MGMT: variants seen among roughly 807,000 people sequenced by gnomAD.
The protein encoded by MGMT is methylated-DNA--protein-cysteine methyltransferase.
Under a neutral mutation model 15.9 loss-of-function variants are expected in MGMT, and 14 were observed. The observed-to-expected ratio is 0.88, with a 90% CI of 0.58 to 1.37. The LOEUF (loss-of-function observed/expected upper bound fraction) is 1.37. Among genes scored for constraint, MGMT ranks in the 40% most tolerant of loss-of-function variants. The pLI is 0.00. For synonymous variants in MGMT, 130 were observed against 118.2 expected (o/e 1.10, Z -0.65); for missense variants, 282 against 268.1 (o/e 1.05, Z -0.36).
intron 2 of MGMT, among the ~76,000 whole-genome samples, chr10:129,672,433 T>C (rs1459664506): frequency 6.6e-6 from 1 of 152,214 alleles, no homozygotes; most frequent in African/African-American, 2.4e-5. Flanking sequence ...CAGAGGTTAT[T>C]TTTGCTCCAT....
intron 2 of MGMT, among the ~76,000 whole-genome samples, chr10:129,678,396 T>C (rs1293535136): frequency 6.6e-6 from 1 of 151,766 alleles, no homozygotes; most frequent in Non-Finnish European, 1.5e-5. Context: ...TGCCCGATGC[T>C]GTTGCTGGTG....
intron 2 of MGMT, among the ~76,000 whole-genome samples, chr10:129,590,851 G>T (rs997152347): frequency 2.6e-5 from 4 of 152,226 alleles, no homozygotes; most frequent in African/African-American, 9.6e-5. Flanking sequence ...TCGGTGCAGT[G>T]TGCAGGTTAA....
chr10:129,679,708 C>T (rs1367285672), intron 2 of MGMT, among the ~76,000 whole-genome samples: 5 of 152,102 alleles, frequency 3.3e-5, no homozygotes, highest in Admixed American at 6.5e-5. Flanking sequence ...TTTTATTCAG[C>T]ATTGGTGCAT....
chr10:129,536,305 A>G lies in MGMT; in HGVS notation c.53A>G (p.Lys18Arg). 1 of 1,614,182 alleles carries G rather than the reference A, an allele frequency of 6.2e-7. No homozygotes were observed. The highest frequency in any genetic ancestry group is 8.5e-7 in the Non-Finnish European group (1 of 1,180,038). The part of the protein sequence containing the change: ...KRTTLDSPLG[K>R]LELSGCEQGL... Reference sequence around the variant, plus strand: ...ACCACACTGGACAGCCCTTTGGGGAAGCTGGAGCTGTCTGGTTGTGAGCAG... The same window carrying G: ...ACCACACTGGACAGCCCTTTGGGGAGGCTGGAGCTGTCTGGTTGTGAGCAG... The change falls in exon 2 of 5, where the codon AAG becomes AGG. Residue 18 changes from lysine (K) to arginine (R), a missense_variant. By Grantham distance (26) the Lys-to-Arg change is conservative (BLOSUM62 2). Coordinates refer to ENST00000651593, the MANE Select transcript of MGMT (RefSeq NM_002412.5).
At chr10:129,675,822 C>A (rs1231318878) in intron 2 of MGMT, among the ~76,000 whole-genome samples, 1 of 152,162 alleles carries the variant, frequency 6.6e-6, no homozygotes, top group Non-Finnish European at 1.5e-5. Flanking sequence ...GCTGGTGGAA[C>A]CATCGGGAAA....
intron 2 of MGMT, among the ~76,000 whole-genome samples, chr10:129,580,872 C>A (rs928063156): frequency 6.6e-6 from 1 of 152,206 alleles, no homozygotes; most frequent in African/African-American, 2.4e-5. Flanking sequence ...GGCTGCCTTA[C>A]CCTTAGAAGA....
At chr10:129,709,312 C>T (rs1206856008) in intron 3 of MGMT, among the ~76,000 whole-genome samples, 1 of 152,214 alleles carries the variant, frequency 6.6e-6, no homozygotes, top group East Asian at 1.9e-4. Context: ...TCCCCAGCGC[C>T]ACAAGCCAGT....
At chr10:129,578,625 ATATG>A (rs937557326) in intron 2 of MGMT, among the ~76,000 whole-genome samples, 3 of 152,230 alleles carry the variant, frequency 2.0e-5, no homozygotes, top group African/African-American at 7.2e-5. Context: ...TGGCACATGT[ATATG>A]TATGTAAGAA....
intron 3 of MGMT, among the ~76,000 whole-genome samples, chr10:129,746,608 A>G (rs896946798): frequency 2.0e-5 from 3 of 152,292 alleles, no homozygotes; most frequent in Middle Eastern, 3.4e-3. Flanking sequence ...ACCTTTGTCA[A>G]TAAACATTTG....
At chr10:129,668,756 T>A (rs1431871925) in intron 2 of MGMT, among the ~76,000 whole-genome samples, 4 of 152,240 alleles carry the variant, frequency 2.6e-5, no homozygotes, top group Non-Finnish European at 4.4e-5. Flanking sequence ...TGAATCAGTT[T>A]GTCACATTTC....
chr10:129,557,498 G>T (rs1441723940), intron 2 of MGMT, among the ~76,000 whole-genome samples: 2 of 152,150 alleles, frequency 1.3e-5, no homozygotes, highest in Non-Finnish European at 2.9e-5. Context: ...AATTGTAATT[G>T]TCCTCAGATA....
intron 2 of MGMT, among the ~76,000 whole-genome samples, chr10:129,574,683 G>C (rs902783969): frequency 6.6e-6 from 1 of 152,154 alleles, no homozygotes; most frequent in Non-Finnish European, 1.5e-5. Flanking sequence ...GTCTATTAAA[G>C]GGGATTGCAC....
intron 3 of MGMT, among the ~76,000 whole-genome samples, chr10:129,729,652 C>T (rs1848474037): frequency 6.6e-6 from 1 of 152,218 alleles, no homozygotes; most frequent in South Asian, 2.1e-4. Flanking sequence ...TTGCCAGTTT[C>T]CTTTTGCCCG....
At chr10:129,513,138 T>C (rs772331400) in intron 1 of MGMT, among the ~76,000 whole-genome samples, 1 of 152,250 alleles carries the variant, frequency 6.6e-6, no homozygotes, top group African/African-American at 2.4e-5. Flanking sequence ...CTGAGTGATA[T>C]AAGCCAGTCA....
At chr10:129,666,588 A>G (rs1161937162) in intron 2 of MGMT, among the ~76,000 whole-genome samples, 1 of 152,228 alleles carries the variant, frequency 6.6e-6, no homozygotes, top group Non-Finnish European at 1.5e-5. Flanking sequence ...CATACAGAAA[A>G]GCTGTTGACT....
chr10:129,553,231 C>T (rs920743236), intron 2 of MGMT, among the ~76,000 whole-genome samples: 2 of 152,128 alleles, frequency 1.3e-5, no homozygotes, highest in Non-Finnish European at 2.9e-5. Flanking sequence ...AGTATAATTT[C>T]TAGAGGTAGA....
rs543579526 is a variant in MGMT at position 129,676,441 on chromosome 10, T to C, written c.126-31454T>C. 3.9e-5 allele frequency among the ~76,000 whole-genome samples: 6 copies of C among 152,294 alleles called. No individual in the cohort carries two copies. The East Asian group carries it at 1.2e-3, about 29-fold the overall frequency. ...GCAAGCGCAGTGGACCCTCTCCCTC[T>C]GGCCAGTGTTCTTCTGTGAAGAGGT... On this transcript the variant is annotated intron_variant, in intron 2 of 4. Transcript: ENST00000651593.
intron 2 of MGMT, among the ~76,000 whole-genome samples, chr10:129,677,699 C>T (rs1847801138): frequency 1.3e-5 from 2 of 152,380 alleles, no homozygotes; most frequent in African/African-American, 4.8e-5. Flanking sequence ...GCGAAGTGCT[C>T]TGTCTGCTGG....
chr10:129,711,009 T>C (rs1023987047), intron 3 of MGMT, among the ~76,000 whole-genome samples: 3 of 152,210 alleles, frequency 2.0e-5, no homozygotes, highest in Non-Finnish European at 2.9e-5. Context: ...AATGTGATTG[T>C]ATTTGAGCTC....
Sources: gnomAD v4.1 joint callset for allele counts (sites outside exome capture counted in the v4.1 genomes callset) on GRCh38, gnomAD v4.1.1 for gene constraint, MANE v1.5 for transcripts, NCBI Gene and HGNC (gene_info 2026-07-23, HGNC 2026-07-21) for gene names.